SSBP2: variants seen among roughly 807,000 people sequenced by gnomAD.
SSBP2 encodes the protein single stranded DNA binding protein 2.
SSBP2 carries 17 observed loss-of-function variants against 61.8 expected under a neutral mutation model. The ratio of observed to expected loss-of-function variants is 0.28; its 90% CI spans 0.19 to 0.41. The LOEUF is 0.41. Among genes scored for constraint, SSBP2 ranks in the 10% least tolerant of loss-of-function variants. SSBP2 has a pLI of 1.00. For synonymous variants in SSBP2, 139 were observed against 141.3 expected, an observed-to-expected ratio of 0.98 and a Z score of 0.12; for missense variants, 310 against 458.7, an observed-to-expected ratio of 0.68 and a Z score of 2.96.
In SSBP2 at chr5:81,526,277, T is replaced by A. The variant is rs115529537; in HGVS notation, c.283-12560A>T. Among the ~76,000 whole-genome samples the A allele has an allele frequency of 1.5e-3, 227 of 152,146 alleles. 1 individual carries two copies. Among genetic ancestry groups the A allele is most frequent in the African/African-American group, 5.3e-3 (220 of 41,540 alleles). On this transcript the variant is annotated intron_variant, in intron 4 of 16. Transcript: ENST00000320672. ...GATCTGAAACAGTATGCATCTAATA[T>A]AACATATTTCAAAAACTTCTTAAAT...
At chr5:81,583,938 G>A (rs1774877522) in intron 4 of SSBP2, among the ~76,000 whole-genome samples, 1 of 152,088 alleles carries the variant, frequency 6.6e-6, no homozygotes, top group African/African-American at 2.4e-5. Flanking sequence ...ATATAACAGT[G>A]CTATTATTGA....
At position 81,416,836 on chromosome 5, in the gene SSBP2, T is replaced by A. The variant is rs1301812676; in HGVS notation, c.*3668A>T. The A allele has an allele frequency of 6.6e-6, 1 of 152,124 alleles. No individual in the cohort carries two copies. The highest frequency in any genetic ancestry group is 1.5e-5 in the Non-Finnish European group (1 of 68,014). The allele number at this position is 152,124 out of a possible 1,614,324, so 9.4% of individuals were successfully genotyped here. On this transcript the variant is annotated 3_prime_UTR_variant, in exon 17 of 17. Transcript: ENST00000320672. ...CATGGCTGGGGGAGCAGAATTGATT[T>A]ACTTGTTAATCTTTTTGGCAATTGA...
chr5:81,750,489 G>A (rs970463798), intron 1 of SSBP2, among the ~76,000 whole-genome samples: 1 of 141,212 alleles, frequency 7.1e-6, no homozygotes, highest in African/African-American at 2.6e-5. Context: ...CCAGCGCCCA[G>A]GCCCCCGCCG....
At chr5:81,422,797 A>G (rs978534708) in intron 16 of SSBP2, among the ~76,000 whole-genome samples, 1 of 152,240 alleles carries the variant, frequency 6.6e-6, no homozygotes, top group Admixed American at 6.5e-5. Context: ...TGCTGATGAC[A>G]TGGAACTGAT....
In SSBP2 at chr5:81,437,597, T is replaced by C. The variant is rs1762753205; in HGVS notation, c.929-139A>G. 4.3e-6 allele frequency: 3 copies of C among 691,178 alleles called. No homozygotes were observed. In the South Asian group the frequency reaches 6.3e-5, roughly 15 times the overall value. The allele number at this position is 691,178 out of a possible 1,614,324, so 42.8% of individuals were successfully genotyped here. The stretch of plus-strand genomic sequence containing the variant: ...TCCTGAGTTTTTAAATCTGAAAAAA[T>C]TCCTCTTCTTTTATACAGTATAGTG... On this transcript the variant is annotated intron_variant, in intron 14 of 16. Transcript: ENST00000320672.
intron 10 of SSBP2, among the ~76,000 whole-genome samples, chr5:81,454,154 G>A (rs549074249): frequency 6.6e-6 from 1 of 152,182 alleles, no homozygotes; most frequent in Non-Finnish European, 1.5e-5. Context: ...TGGAAGTATG[G>A]GAGACATGGG....
At chr5:81,652,176 C>G (rs1749787557) in intron 1 of SSBP2, among the ~76,000 whole-genome samples, 1 of 152,156 alleles carries the variant, frequency 6.6e-6, no homozygotes, top group Admixed American at 6.6e-5. Flanking sequence ...ATGGAGAGAA[C>G]AGACTTCAGA....
chr5:81,533,473 A>G (rs1770573600), intron 4 of SSBP2, among the ~76,000 whole-genome samples: 1 of 152,116 alleles, frequency 6.6e-6, no homozygotes, highest in African/African-American at 2.4e-5. Flanking sequence ...TGTAGACACA[A>G]ATATCTTTAG....
intron 1 of SSBP2, among the ~76,000 whole-genome samples, chr5:81,718,559 A>T (rs1293646963): frequency 1.3e-5 from 2 of 152,178 alleles, no homozygotes; most frequent in Non-Finnish European, 2.9e-5. Flanking sequence ...AAGGAACGTG[A>T]CTGAAACTTA....
intron 4 of SSBP2, among the ~76,000 whole-genome samples, chr5:81,601,674 A>G (rs1581141265): frequency 6.6e-6 from 1 of 152,322 alleles, no homozygotes; most frequent in East Asian, 1.9e-4. Context: ...CTGTGACCAC[A>G]ATAATTCACA....
intron 1 of SSBP2, among the ~76,000 whole-genome samples, chr5:81,711,395 T>G (rs992342187): frequency 3.9e-5 from 6 of 152,110 alleles, no homozygotes; most frequent in African/African-American, 1.4e-4. Flanking sequence ...AAGAAACATT[T>G]TCCTACAGCT....
rs1204542350 is a variant in SSBP2 at position 81,416,705 on chromosome 5, A to AT, written c.*3798dup. ...TTTAAACCACAGAAGTGCTAACTGA[A>AT]TAACCCTATGAAATGCAATGGAGTT... On this transcript the variant is annotated 3_prime_UTR_variant, in exon 17 of 17. Transcript: ENST00000320672. 6.6e-6 allele frequency: 1 copy of AT among 152,234 alleles called. No individual in the cohort carries two copies. Among genetic ancestry groups the AT allele is most frequent in the Non-Finnish European group, 1.5e-5 (1 of 68,044 alleles). The allele number at this position is 152,234 out of a possible 1,614,324, so 9.4% of individuals were successfully genotyped here. A position where few individuals can be genotyped will look rare whatever the true frequency, so the allele number is the denominator to read the frequency against.
intron 5 of SSBP2, among the ~76,000 whole-genome samples, chr5:81,493,164 T>C (rs1041260546): frequency 2.0e-5 from 3 of 151,718 alleles, no homozygotes; most frequent in African/African-American, 7.3e-5. Context: ...TGAGAAAGTA[T>C]GGTAGAAATT....
At chr5:81,508,693 C>T (rs1768367868) in intron 5 of SSBP2, among the ~76,000 whole-genome samples, 1 of 152,058 alleles carries the variant, frequency 6.6e-6, no homozygotes, top group African/African-American at 2.4e-5. Flanking sequence ...TGTGATCATT[C>T]CACTTGGTAA....
chr5:81,611,050 T>G (rs758440868), intron 4 of SSBP2, among the ~76,000 whole-genome samples: 53 of 152,306 alleles, frequency 3.5e-4, no homozygotes, highest in Admixed American at 2.0e-3. Flanking sequence ...GAGCACAAAA[T>G]AGAGTGTCAC....
chr5:81,631,477 G>GA (rs767588950), intron 3 of SSBP2, among the ~76,000 whole-genome samples: 1,368 of 125,348 alleles, frequency 0.011, 18 homozygotes, highest in African/African-American at 0.032. Flanking sequence ...AGAAGAAATG[G>GA]AAAAAAAAAA....
At chr5:81,635,759 A>AC (rs930317413) in intron 3 of SSBP2, among the ~76,000 whole-genome samples, 38 of 151,564 alleles carry the variant, frequency 2.5e-4, no homozygotes, top group South Asian at 1.3e-3. Context: ...AATTTTTTCT[A>AC]TTTTTTAGTA....
chr5:81,615,335 C>G, intron 4 of SSBP2, 138 bp downstream of exon 4: 1 of 695,976 alleles, frequency 1.4e-6, no homozygotes, highest in Admixed American at 2.3e-5. Flanking sequence ...AGTTATGAAC[C>G]TACTTTTCAA....
At chr5:81,656,580 A>G (rs1750233550) in intron 1 of SSBP2, among the ~76,000 whole-genome samples, 1 of 152,162 alleles carries the variant, frequency 6.6e-6, no homozygotes, top group South Asian at 2.1e-4. Flanking sequence ...CCTTATGTCA[A>G]GCTAATATGT....
Sources: allele counts gnomAD v4.1 joint callset (sites outside exome capture counted in the v4.1 genomes callset), GRCh38; gene constraint gnomAD v4.1.1; transcripts MANE v1.5; gene names NCBI Gene and HGNC (gene_info 2026-07-23, HGNC 2026-07-21).